Variants in PLCZ1 observed in about 807,000 individuals in gnomAD.
PLCZ1 encodes the protein phospholipase C zeta 1, also known as 1-phosphatidylinositol 4,5-bisphosphate phosphodiesterase zeta-1.
PLCZ1 carries 64 observed loss-of-function variants against 76.8 expected under a neutral mutation model. The ratio of observed to expected loss-of-function variants is 0.83; its 90% CI spans 0.68 to 1.03. The LOEUF (loss-of-function observed/expected upper bound fraction) is 1.03. Among genes scored for constraint, PLCZ1 ranks in the 50% least tolerant of loss-of-function variants. The pLI is 0.00. For missense variants in PLCZ1, 751 were observed against 713.7 expected (o/e 1.05, Z -0.60); for synonymous variants, 248 against 230.8 (o/e 1.07, Z -0.68).
chr12:18,650,313 C>G, the PLCZ1 span, among the ~76,000 whole-genome samples: 3 of 100,962 alleles, frequency 3.0e-5, no homozygotes, highest in African/African-American at 1.5e-4. Context: ...CTCTCTCTCT[C>G]TCTCTCTCTC....
chr12:18,650,740 ATATATATATATATATATATATATAT>A, the PLCZ1 span, among the ~76,000 whole-genome samples: 1 of 32,330 alleles, frequency 3.1e-5, no homozygotes, highest in African/African-American at 2.1e-4. Flanking sequence ...ATATATATAT[ATATATATATATATATATATATATAT>A]TCCAGTCCAT....
At chr12:18,735,302 T>A (rs1748919653) in intron 3 of PLCZ1, among the ~76,000 whole-genome samples, 1 of 152,224 alleles carries the variant, frequency 6.6e-6, no homozygotes, top group Non-Finnish European at 1.5e-5. Context: ...TTCTATTTTT[T>A]AGAAGCATTT....
intron 11 of PLCZ1, among the ~76,000 whole-genome samples, chr12:18,695,541 T>C (rs376636178): frequency 6.6e-6 from 1 of 152,090 alleles, no homozygotes; most frequent in African/African-American, 2.4e-5. Context: ...TACCTCAGTA[T>C]AGCCTGGTAA....
At chr12:18,683,399 C>A (rs540867122) in intron 14 of PLCZ1, 75 bp from the exon 15 acceptor site, 9 of 1,510,984 alleles carry the variant, frequency 6.0e-6, no homozygotes, top group South Asian at 1.1e-5. Context: ...TGCTGAGAAA[C>A]AAGAGCTCTT....
At chr12:18,661,224 G>T in the PLCZ1 span, among the ~76,000 whole-genome samples, 8 of 152,050 alleles carry the variant, frequency 5.3e-5, no homozygotes, top group Admixed American at 5.2e-4. Context: ...AAGAGGCAAA[G>T]GGATTATTTG....
At chr12:18,665,892 G>A in the PLCZ1 span, among the ~76,000 whole-genome samples, 2,642 of 148,714 alleles carry the variant, frequency 0.018, 42 homozygotes, top group Middle Eastern at 0.056. Flanking sequence ...CCAAGATCGC[G>A]CCATTGTACT....
At chr12:18,727,202 G>T (rs1026267883) in intron 3 of PLCZ1, among the ~76,000 whole-genome samples, 3 of 151,636 alleles carry the variant, frequency 2.0e-5, no homozygotes, top group African/African-American at 7.3e-5. Context: ...AAAACAATTT[G>T]CCAAGTGCAT....
chr12:18,668,074 C>T, the PLCZ1 span, among the ~76,000 whole-genome samples: 1 of 152,084 alleles, frequency 6.6e-6, no homozygotes, highest in Non-Finnish European at 1.5e-5. Context: ...CTCCACTTAG[C>T]GTAATTATAC....
chr12:18,654,828 C>T, the PLCZ1 span, among the ~76,000 whole-genome samples: 62 of 152,202 alleles, frequency 4.1e-4, no homozygotes, highest in African/African-American at 1.4e-3. Flanking sequence ...GACTTCATCT[C>T]TCTTAATGTG....
At chr12:18,665,922 T>TA in the PLCZ1 span, among the ~76,000 whole-genome samples, 39 of 138,644 alleles carry the variant, frequency 2.8e-4, no homozygotes, top group Non-Finnish European at 5.5e-4. Context: ...GTGACAGAGA[T>TA]AGACTCCATC....
Position 18,722,852 on chromosome 12 carries a change from T to C in PLCZ1, c.367+459A>G, listed in dbSNP as rs1256182550. Among the ~76,000 whole-genome samples the C allele has an allele frequency of 3.9e-5, 6 of 152,162 alleles. No homozygotes were observed. In the East Asian group the frequency reaches 1.2e-3, roughly 29 times the overall value. Reference sequence around the variant, plus strand: ...TTATAAACAAAGTAAAATTCATCAGTTTATAATATTTTCTTCTTAGAATTT... The same window carrying C: ...TTATAAACAAAGTAAAATTCATCAGCTTATAATATTTTCTTCTTAGAATTT... On this transcript the variant is annotated intron_variant, in intron 4 of 14. Transcript: ENST00000266505.
At chr12:18,657,441 T>C in the PLCZ1 span, among the ~76,000 whole-genome samples, 1 of 145,092 alleles carries the variant, frequency 6.9e-6, no homozygotes, top group African/African-American at 2.6e-5. Context: ...TATAGCAGAG[T>C]AGTAAGCTTA....
At chr12:18,697,520 TG>T (rs1283691717) in intron 10 of PLCZ1, among the ~76,000 whole-genome samples, 1 of 152,166 alleles carries the variant, frequency 6.6e-6, no homozygotes, top group Non-Finnish European at 1.5e-5. Flanking sequence ...AATATGATTT[TG>T]TTATTTCTGA....
the PLCZ1 span, among the ~76,000 whole-genome samples, chr12:18,669,143 T>C: frequency 6.6e-6 from 1 of 152,166 alleles, no homozygotes; most frequent in Middle Eastern, 3.2e-3. Context: ...ACAATGATTA[T>C]TTTCTTGATT....
At chr12:18,733,596 C>T (rs1028593759) in intron 3 of PLCZ1, among the ~76,000 whole-genome samples, 1 of 152,134 alleles carries the variant, frequency 6.6e-6, no homozygotes, top group African/African-American at 2.4e-5. Flanking sequence ...TTCATAGTTT[C>T]AGGTCTCAAG....
At chr12:18,648,960 G>A in the PLCZ1 span, among the ~76,000 whole-genome samples, 2 of 151,960 alleles carry the variant, frequency 1.3e-5, no homozygotes, top group African/African-American at 4.8e-5. Flanking sequence ...AAAAATCTAA[G>A]CTTTTTCCCA....
Position 18,736,351 on chromosome 12 carries a change from G to T in PLCZ1, c.12-7C>A. On this transcript the variant is annotated splice_polypyrimidine_tract_variant and splice_region_variant and intron_variant, in intron 2 of 14. Transcript: ENST00000266505. ...AATCTTTGACAAAAACCATGTAGAA[G>T]CACAAAAAAGTTAAGGAAATTCTCA... The T allele has an allele frequency of 6.2e-7, 1 of 1,609,476 alleles. No homozygotes were observed.
chr12:18,659,115 G>A, the PLCZ1 span, among the ~76,000 whole-genome samples: 4 of 152,052 alleles, frequency 2.6e-5, no homozygotes, highest in African/African-American at 9.7e-5. Context: ...CTAAAAGTGG[G>A]CCAAGATAGG....
chr12:18,700,023 A>G (rs1232766839), intron 9 of PLCZ1, 73 bp from the exon 10 acceptor site: 1 of 1,237,622 alleles, frequency 8.1e-7, no homozygotes, highest in Admixed American at 2.0e-5. Context: ...TAGTAAAGAA[A>G]ATACACTTTC....
Sources: allele counts gnomAD v4.1 joint callset (sites outside exome capture counted in the v4.1 genomes callset), GRCh38; gene constraint gnomAD v4.1.1; transcripts MANE v1.5; gene names NCBI Gene and HGNC (gene_info 2026-07-23, HGNC 2026-07-21).